NCOA7: variants seen among roughly 807,000 people sequenced by gnomAD.
The protein encoded by NCOA7 is 140 kDa estrogen receptor-associated protein.
Under a neutral mutation model 104.3 loss-of-function variants are expected in NCOA7, and 45 were observed. That is an observed-to-expected ratio of 0.43 (90% CI 0.34 to 0.55). The LOEUF (loss-of-function observed/expected upper bound fraction) is 0.55, where lower values mean the gene tolerates loss of function less well. NCOA7 is among the 20% of genes least tolerant of loss of function. The pLI is 0.02. For missense variants in NCOA7, 1,041 were observed against 1,119.7 expected, an observed-to-expected ratio of 0.93 and a Z score of 1.00; for synonymous variants, 398 against 402.3, an observed-to-expected ratio of 0.99 and a Z score of 0.13.
intron 5 of NCOA7, 49 bp downstream of exon 5, chr6:125,878,419 T>C: frequency 1.5e-6 from 2 of 1,329,554 alleles, no homozygotes; most frequent in Non-Finnish European, 2.1e-6. Context: ...GCATTTATCT[T>C]TTATTGCCGT....
chr6:125,906,614 G>A (rs1030920077), intron 10 of NCOA7, among the ~76,000 whole-genome samples: 3 of 152,162 alleles, frequency 2.0e-5, no homozygotes, highest in Admixed American at 2.0e-4. Flanking sequence ...ACTGGTGAGG[G>A]TGAGCCTGAA....
chr6:125,810,469 G>A (rs139260975), intron 1 of NCOA7: 8 of 152,210 alleles, frequency 5.3e-5, no homozygotes, highest in Admixed American at 1.3e-4. Flanking sequence ...GTGCTTTCTC[G>A]TGAAATTCTT....
intron 1 of NCOA7, among the ~76,000 whole-genome samples, chr6:125,806,341 A>AAAATAAAT (rs1415795481): frequency 6.6e-6 from 1 of 152,108 alleles, no homozygotes. Context: ...ACTCCTTCTC[A>AAAATAAAT]AAATAAATAA....
intron 1 of NCOA7, among the ~76,000 whole-genome samples, chr6:125,798,720 C>T (rs1465382818): frequency 2.0e-5 from 3 of 152,108 alleles, no homozygotes; most frequent in African/African-American, 7.2e-5. Context: ...ACTTTTTTCT[C>T]ACTAATGGGA....
chr6:125,878,973 A>G (rs1202281126), intron 5 of NCOA7, among the ~76,000 whole-genome samples: 4 of 152,188 alleles, frequency 2.6e-5, no homozygotes, highest in Admixed American at 2.0e-4. Flanking sequence ...TAGATTTGAC[A>G]TTTGGAATGT....
chr6:125,815,139 AT>A (rs1262475806), intron 1 of NCOA7, 151 bp from the exon 2 acceptor site: 1 of 371,160 alleles, frequency 2.7e-6, no homozygotes, highest in Admixed American at 4.7e-5. Flanking sequence ...TCCCATGGAC[AT>A]TTGCATTTCA....
At chr6:125,834,943 G>A (rs2128596485) in intron 2 of NCOA7, among the ~76,000 whole-genome samples, 1 of 152,302 alleles carries the variant, frequency 6.6e-6, no homozygotes, top group Non-Finnish European at 1.5e-5. Flanking sequence ...TTAATTTATA[G>A]CTGCTTGTGG....
rs1260111236 is a variant in NCOA7 at position 125,927,751 on chromosome 6, A to G, written c.2612A>G (p.His871Arg). Residue 871 changes from histidine to arginine, a missense_variant, in exon 14 of 16, where the codon CAT (histidine) becomes CGT (arginine). Transcript: ENST00000392477. ...ACTTTTCTCTACACATTCAGCCCTCATTTTAAGGTACCTAGATAGGAGAAA... is the reference window on the plus strand; with the variant it reads ...ACTTTTCTCTACACATTCAGCCCTCGTTTTAAGGTACCTAGATAGGAGAAA... The part of the protein sequence containing the change: ...GETFLYTFSP[H>R]FKVFKWSGEN... 1.2e-6 allele frequency: 2 copies of G among 1,611,486 alleles called. No homozygotes were observed. The highest frequency in any genetic ancestry group is 2.2e-5 in the East Asian group (1 of 44,888).
chr6:125,858,786 A>C (rs759254178), intron 3 of NCOA7, among the ~76,000 whole-genome samples: 1 of 152,064 alleles, frequency 6.6e-6, no homozygotes, highest in African/African-American at 2.4e-5. Flanking sequence ...ACCCTTTCCA[A>C]ATCTGACTAG....
intron 4 of NCOA7, among the ~76,000 whole-genome samples, chr6:125,876,333 G>A (rs79259662): frequency 0.02 from 3,065 of 152,172 alleles, 45 homozygotes; most frequent in Non-Finnish European, 0.031. Flanking sequence ...TTTTAGAAAG[G>A]ATTTGGGATG....
chr6:125,846,804 C>T (rs1031866987), intron 2 of NCOA7, among the ~76,000 whole-genome samples: 23 of 152,180 alleles, frequency 1.5e-4, no homozygotes, highest in African/African-American at 5.5e-4. Context: ...TGGGAAATGG[C>T]CCTAGTTTTT....
At chr6:125,844,898 C>T (rs1477314575) in intron 2 of NCOA7, among the ~76,000 whole-genome samples, 3 of 152,192 alleles carry the variant, frequency 2.0e-5, no homozygotes, top group Admixed American at 2.0e-4. Context: ...TTATTAAGCT[C>T]TTCCTGGAAA....
rs763009039 is a variant in NCOA7, at chr6:125,825,937, CAT to C, written c.50+10536_50+10537del. ...ACACACACATACATACATATGCAAA[CAT>C]ATTTTTCTTTGAAAAGAGTATATGG... On this transcript the variant is annotated intron_variant, in intron 2 of 15. Transcript: ENST00000392477. Among the ~76,000 whole-genome samples the C allele has an allele frequency of 4.6e-5, 7 of 152,200 alleles. No individual in the cohort carries two copies. The East Asian group carries it at 7.7e-4, about 17-fold the overall frequency.
intron 1 of NCOA7, among the ~76,000 whole-genome samples, chr6:125,800,517 G>A (rs977281359): frequency 2.0e-5 from 3 of 152,172 alleles, no homozygotes; most frequent in Non-Finnish European, 2.9e-5. Context: ...AGACCTTACC[G>A]TTTCATAACC....
upstream of NCOA7, among the ~76,000 whole-genome samples, chr6:125,786,646 A>G (rs1340127111): frequency 2.8e-5 from 4 of 144,834 alleles, no homozygotes; most frequent in African/African-American, 1.0e-4. Flanking sequence ...GCGCGATCTG[A>G]GCGCAGCGCA....
At chr6:125,791,178 C>G (rs905436032) in intron 1 of NCOA7, 111 bp downstream of exon 1, 1 of 152,340 alleles carries the variant, frequency 6.6e-6, no homozygotes, top group Non-Finnish European at 1.5e-5. Context: ...GCCGGGGGCT[C>G]GGTGGAGCGC....
In NCOA7 at chr6:125,866,353, T is replaced by C. The variant is rs575454641; in HGVS notation, c.272-8536T>C. On this transcript the variant is annotated intron_variant, in intron 3 of 15. Coordinates refer to ENST00000392477, the MANE Select transcript of NCOA7 (RefSeq NM_181782.5). ...TCAGAAAAAAGAAAAAAAAAAGATA[T>C]ATAACTTTATTTTTTGCTATTCAGT... is the stretch of plus-strand genomic sequence containing the variant. 3.9e-5 allele frequency among the ~76,000 whole-genome samples: 6 copies of C among 152,190 alleles called. No homozygotes were observed. In the South Asian group the frequency reaches 8.3e-4, roughly 21 times the overall value.
intron 2 of NCOA7, among the ~76,000 whole-genome samples, chr6:125,833,297 A>G (rs1482243469): frequency 6.6e-6 from 1 of 152,134 alleles, no homozygotes; most frequent in Non-Finnish European, 1.5e-5. Flanking sequence ...CTTGGAAATA[A>G]TGGGGCTGGC....
intron 15 of NCOA7, 52 bp downstream of exon 15, chr6:125,928,299 G>C (rs1788215812): frequency 6.6e-7 from 1 of 1,510,960 alleles, no homozygotes; most frequent in Admixed American, 1.9e-5. Context: ...CACCTGACCT[G>C]AGTGGGTCTG....
Sources: allele counts gnomAD v4.1 joint callset (sites outside exome capture counted in the v4.1 genomes callset), GRCh38; gene constraint gnomAD v4.1.1; transcripts MANE v1.5; gene names NCBI Gene and HGNC (gene_info 2026-07-23, HGNC 2026-07-21).